The following TBC1D32 variants were observed in gnomAD, a reference collection of about 807,000 sequenced individuals.
The protein encoded by TBC1D32 is TBC1 domain family member 32.
A neutral mutation model predicts 170.3 loss-of-function variants in TBC1D32; 151 were observed. The ratio of observed to expected loss-of-function variants is 0.89; its 90% confidence interval spans 0.78 to 1.01. The LOEUF (loss-of-function observed/expected upper bound fraction) is 1.01, where lower values mean the gene tolerates loss of function less well. TBC1D32 is among the 50% of genes least tolerant of loss of function. TBC1D32 has a pLI of 0.00. For synonymous variants in TBC1D32, 498 were observed against 488.0 expected (o/e 1.02, Z -0.27); for missense variants, 1,464 against 1,457.1 (o/e 1.00, Z -0.08).
intron 12 of TBC1D32, among the ~76,000 whole-genome samples, chr6:121,287,131 G>A (rs1002594374): frequency 1.3e-5 from 2 of 152,086 alleles, no homozygotes; most frequent in African/African-American, 2.4e-5. Flanking sequence ...CATAATGACA[G>A]GATCAAATTC....
chr6:121,145,723 T>A (rs1409530805), intron 24 of TBC1D32, among the ~76,000 whole-genome samples: 1 of 152,156 alleles, frequency 6.6e-6, no homozygotes. Flanking sequence ...ATATATAGAA[T>A]GCTTATCAAT....
At chr6:121,112,435 G>T (rs1779280784) in intron 29 of TBC1D32, 70 bp downstream of exon 29, 8 of 1,330,938 alleles carry the variant, frequency 6.0e-6, no homozygotes, top group Non-Finnish European at 8.1e-6. Context: ...ATAAAATTAT[G>T]CCCCAGTGAA....
intron 22 of TBC1D32, among the ~76,000 whole-genome samples, chr6:121,186,531 T>C (rs891666038): frequency 3.9e-5 from 6 of 152,086 alleles, no homozygotes; most frequent in African/African-American, 1.2e-4. Context: ...GGAAAAGTTA[T>C]AAATACCCAC....
chr6:121,161,175 T>C (rs1785584753), intron 22 of TBC1D32, 119 bp from the exon 23 acceptor site: 1 of 750,300 alleles, frequency 1.3e-6, no homozygotes, highest in African/African-American at 1.8e-5. Context: ...TATTTCTTTT[T>C]CTTTACTGCA....
At chr6:121,174,419 T>C (rs922275332) in intron 22 of TBC1D32, among the ~76,000 whole-genome samples, 4 of 152,018 alleles carry the variant, frequency 2.6e-5, no homozygotes, top group African/African-American at 4.8e-5. Context: ...GTAAACTGAA[T>C]CAAAAGAGTC....
chr6:121,215,835 A>G lies in TBC1D32; in HGVS notation c.2481+7401T>C, dbSNP rs184515503. Among the ~76,000 whole-genome samples the G allele has an allele frequency of 7.9e-5, 12 of 152,350 alleles. No individual in the cohort carries two copies. The East Asian group carries it at 2.3e-3, about 29-fold the overall frequency. On this transcript the variant is annotated intron_variant, in intron 21 of 31. Transcript: ENST00000398212. ...ACACCAGTCAGAATGGCTATTATCA[A>G]AAAAGTAAAAGAGTAACAGATGATG... is the stretch of plus-strand genomic sequence containing the variant.
intron 20 of TBC1D32, among the ~76,000 whole-genome samples, chr6:121,233,031 G>A (rs1165345233): frequency 1.3e-5 from 2 of 152,140 alleles, no homozygotes; most frequent in African/African-American, 2.4e-5. Context: ...GGTTCCTTTT[G>A]AAGTTAATAT....
rs985001422 is a variant in TBC1D32 at position 121,112,421 on chromosome 6, A to G, written c.3324+84T>C. On this transcript the variant is annotated intron_variant, in intron 29 of 31. Coordinates refer to ENST00000398212, the MANE Select transcript of TBC1D32 (RefSeq NM_152730.6). ...AGTATAATTTATTACAAAGTCCTTC[A>G]CAAATAAAATTATGCCCCAGTGAAT... The G allele has an allele frequency of 3.2e-6, 4 of 1,261,024 alleles. No individual in the cohort carries two copies. The African/African-American group carries it at 6.1e-5, about 19-fold the overall frequency. 78.1% of individuals were successfully genotyped at this position (1,261,024 alleles called of 1,614,324 possible).
intron 22 of TBC1D32, among the ~76,000 whole-genome samples, chr6:121,189,449 ATAT>A (rs1190607267): frequency 2.0e-5 from 3 of 150,480 alleles, no homozygotes; most frequent in Non-Finnish European, 3.0e-5. Flanking sequence ...TAAATATTAA[ATAT>A]TATTATAGTT....
At chr6:121,301,541 G>A (rs753782027) in intron 9 of TBC1D32, among the ~76,000 whole-genome samples, 2 of 152,042 alleles carry the variant, frequency 1.3e-5, no homozygotes, top group African/African-American at 4.8e-5. Context: ...CTGTTTGGGG[G>A]TGGGGTGCTA....
intron 22 of TBC1D32, among the ~76,000 whole-genome samples, chr6:121,162,503 T>G (rs1785853464): frequency 6.6e-6 from 1 of 152,108 alleles, no homozygotes; most frequent in Admixed American, 6.5e-5. Context: ...AAGACAAGGA[T>G]AGCTTCTCTC....
rs538503280 is a variant in TBC1D32 at position 121,290,533 on chromosome 6, C to T, written c.1372+1520G>A. Among the ~76,000 whole-genome samples the T allele has an allele frequency of 5.6e-3, 852 of 152,178 alleles. 7 individuals are homozygous for T. The highest frequency in any genetic ancestry group is 8.5e-3 in the Non-Finnish European group (581 of 68,004). ...TGGAGAGGATGTGGAGAAATAGGAA[C>T]ACTTTTACACTGTTGGTGGGACTGT... On this transcript the variant is annotated intron_variant, in intron 12 of 31. Coordinates refer to ENST00000398212, the MANE Select transcript of TBC1D32 (RefSeq NM_152730.6).
Position 121,080,309 on chromosome 6 carries a change from C to G in TBC1D32, c.*462G>C, listed in dbSNP as rs955316721. 3.5e-6 allele frequency: 1 copy of G among 283,816 alleles called. No homozygotes were observed. Among genetic ancestry groups the G allele is most frequent in the Non-Finnish European group, 7.5e-6 (1 of 133,386 alleles). 17.6% of individuals were successfully genotyped at this position (283,816 alleles called of 1,614,324 possible). On this transcript the variant is annotated 3_prime_UTR_variant, in exon 32 of 32. Transcript: ENST00000398212. ...CTTGGCTCACTGCAACCTCCGCCTC[C>G]CGGGTTCAAGCGATTCTCCTGCCTC... is the stretch of plus-strand genomic sequence containing the variant.
intron 26 of TBC1D32, among the ~76,000 whole-genome samples, chr6:121,123,725 A>G (rs1682030449): frequency 6.6e-6 from 1 of 152,042 alleles, no homozygotes; most frequent in South Asian, 2.1e-4. Context: ...CAGTCTGTTT[A>G]CATTCAATGT....
At chr6:121,332,670 G>A (rs1811365087) in intron 1 of TBC1D32, among the ~76,000 whole-genome samples, 1 of 152,154 alleles carries the variant, frequency 6.6e-6, no homozygotes, top group Non-Finnish European at 1.5e-5. Context: ...TTATGTGGAT[G>A]TGTGTGAGGT....
chr6:121,147,986 G>T (rs1007134229), intron 24 of TBC1D32, among the ~76,000 whole-genome samples: 3 of 128,312 alleles, frequency 2.3e-5, no homozygotes, highest in Middle Eastern at 9.3e-3. Context: ...ATATTTGTTT[G>T]TTGGTTGGTT....
At chr6:121,099,599 A>G (rs1365087030) in intron 30 of TBC1D32, among the ~76,000 whole-genome samples, 3 of 151,974 alleles carry the variant, frequency 2.0e-5, no homozygotes, top group Admixed American at 6.6e-5. Flanking sequence ...ATCAAAATGA[A>G]TAAGGTATGA....
At chr6:121,283,252 T>C (rs1000741611) in intron 13 of TBC1D32, among the ~76,000 whole-genome samples, 3 of 151,934 alleles carry the variant, frequency 2.0e-5, no homozygotes, top group Admixed American at 2.0e-4. Context: ...TATTATTAAG[T>C]GTTTTACTTT....
intron 20 of TBC1D32, among the ~76,000 whole-genome samples, chr6:121,226,286 T>G (rs1795053992): frequency 6.6e-6 from 1 of 152,120 alleles, no homozygotes; most frequent in African/African-American, 2.4e-5. Flanking sequence ...CTAAATGTTC[T>G]GACTTTACTG....
Sources: gnomAD v4.1 joint callset for allele counts (sites outside exome capture counted in the v4.1 genomes callset) on GRCh38, gnomAD v4.1.1 for gene constraint, MANE v1.5 for transcripts, NCBI Gene and HGNC (gene_info 2026-07-23, HGNC 2026-07-21) for gene names.